Variants in PICALM observed in about 807,000 individuals in gnomAD.
PICALM encodes phosphatidylinositol-binding clathrin assembly protein.
PICALM carries 40 observed loss-of-function variants against 80.5 expected under a neutral mutation model. That is an observed-to-expected ratio of 0.50 (90% confidence interval 0.39 to 0.65). The LOEUF (loss-of-function observed/expected upper bound fraction) is 0.65, where lower values mean the gene tolerates loss of function less well. PICALM is among the 30% of genes least tolerant of loss of function. The pLI is 0.00. For missense variants in PICALM, 676 were observed against 778.9 expected, an observed-to-expected ratio of 0.87 and a Z score of 1.57; for synonymous variants, 288 against 260.3, an observed-to-expected ratio of 1.11 and a Z score of -1.02.
chr11:85,980,682 T>C (rs2094416164), intron 17 of PICALM, among the ~76,000 whole-genome samples: 1 of 152,078 alleles, frequency 6.6e-6, no homozygotes. Flanking sequence ...GAAAAATAAA[T>C]AAAAAATTTG....
chr11:85,981,115 C>A lies in PICALM; in HGVS notation c.1779+14G>T. On this transcript the variant is annotated intron_variant, in intron 17 of 19. Transcript: ENST00000393346. ...TATTCAACTGTTAGTCTATCAGGAG[C>A]TTTTTCAACTCACCATTGTTGCAGC... is the stretch of plus-strand genomic sequence containing the variant. The A allele has an allele frequency of 7.6e-7, 1 of 1,310,784 alleles. No individual in the cohort carries two copies. Among genetic ancestry groups the A allele is most frequent in the Non-Finnish European group, 1.1e-6 (1 of 906,740 alleles). 81.2% of individuals were successfully genotyped at this position (1,310,784 alleles called of 1,614,324 possible).
intron 12 of PICALM, 25 bp from the exon 13 acceptor site, chr11:85,990,424 C>A: frequency 2.1e-6 from 3 of 1,460,436 alleles, no homozygotes; most frequent in South Asian, 1.4e-5. Flanking sequence ...TGTATTATAG[C>A]AAAATGAAGA....
intron 7 of PICALM, among the ~76,000 whole-genome samples, 162 bp from the exon 8 acceptor site, chr11:86,007,745 T>C (rs902308810): frequency 1.3e-5 from 2 of 152,122 alleles, no homozygotes; most frequent in African/African-American, 4.8e-5. Context: ...TCCAATGGCT[T>C]AGATATTATT....
At chr11:86,000,179 A>C (rs1379908626) in intron 11 of PICALM, among the ~76,000 whole-genome samples, 2 of 152,238 alleles carry the variant, frequency 1.3e-5, no homozygotes, top group Non-Finnish European at 2.9e-5. Flanking sequence ...GGTAGGCTTC[A>C]ATACCAAGAA....
chr11:85,991,528 C>T (rs1480472909), intron 12 of PICALM, among the ~76,000 whole-genome samples: 3 of 150,518 alleles, frequency 2.0e-5, no homozygotes, highest in Admixed American at 2.0e-4. Context: ...AGCTCAAATA[C>T]AACTGTCTGA....
chr11:86,011,235 G>A (rs1362558001), intron 6 of PICALM, 99 bp from the exon 7 acceptor site: 1 of 608,874 alleles, frequency 1.6e-6, no homozygotes, highest in African/African-American at 1.9e-5. Flanking sequence ...GGTCTCTAAA[G>A]GAGCATACAT....
chr11:86,000,174 G>A (rs1199939777), intron 11 of PICALM, among the ~76,000 whole-genome samples: 1 of 152,168 alleles, frequency 6.6e-6, no homozygotes, highest in Non-Finnish European at 1.5e-5. Flanking sequence ...AGTCTGGTAG[G>A]CTTCAATACC....
intron 1 of PICALM, among the ~76,000 whole-genome samples, chr11:86,065,002 A>G (rs1450513072): frequency 1.3e-5 from 2 of 152,102 alleles, no homozygotes; most frequent in African/African-American, 4.8e-5. Flanking sequence ...GGATTTCTTG[A>G]GCCTGAGGAG....
At chr11:86,044,849 C>T (rs1192598661) in intron 1 of PICALM, among the ~76,000 whole-genome samples, 1 of 152,170 alleles carries the variant, frequency 6.6e-6, no homozygotes, top group Non-Finnish European at 1.5e-5. Flanking sequence ...AATCTAATGC[C>T]TATGATCGAG....
At chr11:86,015,290 T>C (rs1257516868) in intron 4 of PICALM, among the ~76,000 whole-genome samples, 1 of 152,218 alleles carries the variant, frequency 6.6e-6, no homozygotes, top group Non-Finnish European at 1.5e-5. Flanking sequence ...TCACAATCAT[T>C]GGTGTGTAAA....
intron 8 of PICALM, 156 bp from the exon 9 acceptor site, chr11:86,003,607 CTT>C (rs2095204943): frequency 1.2e-5 from 5 of 413,880 alleles, no homozygotes; most frequent in Non-Finnish European, 1.7e-5. Flanking sequence ...GAATGACAAT[CTT>C]ACTTTTGTTA....
intron 4 of PICALM, among the ~76,000 whole-genome samples, chr11:86,019,618 G>A (rs2095534085): frequency 6.6e-6 from 1 of 152,116 alleles, no homozygotes; most frequent in Non-Finnish European, 1.5e-5. Context: ...TTAAAAATCA[G>A]ACTTCTAAAA....
At chr11:85,995,023 T>C (rs974062576) in intron 12 of PICALM, among the ~76,000 whole-genome samples, 1 of 152,210 alleles carries the variant, frequency 6.6e-6, no homozygotes, top group Non-Finnish European at 1.5e-5. Context: ...ATTTCTTTAT[T>C]TCAGTCTAAG....
intron 1 of PICALM, among the ~76,000 whole-genome samples, chr11:86,033,173 G>A (rs1236997113): frequency 6.6e-6 from 1 of 152,120 alleles, no homozygotes; most frequent in African/African-American, 2.4e-5. Context: ...ACTGGCCTAT[G>A]GCACTGAACA....
At chr11:85,968,776 G>A (rs1025926007) in intron 19 of PICALM, among the ~76,000 whole-genome samples, 2 of 151,960 alleles carry the variant, frequency 1.3e-5, no homozygotes, top group Admixed American at 1.3e-4. Context: ...GAAACAAAAG[G>A]AAAACCACAA....
intron 16 of PICALM, 62 bp downstream of exon 16, chr11:85,981,683 T>C: frequency 7.9e-7 from 1 of 1,262,716 alleles, no homozygotes; most frequent in Non-Finnish European, 1.2e-6. Context: ...ACCCTCCAAA[T>C]AACACATGGA....
At chr11:86,027,791 G>T (rs1405709975) in intron 2 of PICALM, among the ~76,000 whole-genome samples, 2 of 152,076 alleles carry the variant, frequency 1.3e-5, no homozygotes, top group Non-Finnish European at 2.9e-5. Context: ...AAACTCTCAG[G>T]ATTATAGGTA....
chr11:86,059,957 ATTG>A (rs1453496511), intron 1 of PICALM, among the ~76,000 whole-genome samples: 13 of 152,104 alleles, frequency 8.5e-5, no homozygotes, highest in Admixed American at 8.5e-4. Flanking sequence ...TTTAAATATT[ATTG>A]TTAAGACTTT....
intron 1 of PICALM, among the ~76,000 whole-genome samples, chr11:86,055,393 T>C (rs1319425450): frequency 1.3e-5 from 2 of 152,120 alleles, no homozygotes; most frequent in African/African-American, 4.8e-5. Context: ...CAAAACAACT[T>C]ATTGATAGTC....
Sources: gnomAD v4.1 joint callset for allele counts (sites outside exome capture counted in the v4.1 genomes callset) on GRCh38, gnomAD v4.1.1 for gene constraint, MANE v1.5 for transcripts, NCBI Gene and HGNC (gene_info 2026-07-23, HGNC 2026-07-21) for gene names.